The following TXNRD3 variants were observed in gnomAD, a reference collection of about 807,000 sequenced individuals.
TXNRD3 encodes the protein TXNRD3 neighbor gene protein.
A neutral mutation model predicts 78.2 loss-of-function variants in TXNRD3; 68 were observed. That is an observed-to-expected ratio of 0.87 (90% confidence interval 0.72 to 1.06). TXNRD3 has a LOEUF of 1.06. TXNRD3 is among the 50% of genes least tolerant of loss of function. The pLI, the probability that TXNRD3 is intolerant of heterozygous loss-of-function variation, is 0.00. For missense variants in TXNRD3, 751 were observed against 809.5 expected, an observed-to-expected ratio of 0.93 and a Z score of 0.88; for synonymous variants, 296 against 300.1, an observed-to-expected ratio of 0.99 and a Z score of 0.14.
At chr3:126,625,199 T>A (rs1415748195) in intron 10 of TXNRD3, 1 of 151,680 alleles carries the variant, frequency 6.6e-6, no homozygotes, top group South Asian at 2.1e-4. Flanking sequence ...TACATGTGCA[T>A]AATGTGCAGG....
intron 13 of TXNRD3, among the ~76,000 whole-genome samples, chr3:126,614,964 G>A (rs909527367): frequency 2.0e-5 from 3 of 152,086 alleles, no homozygotes; most frequent in African/African-American, 7.2e-5. Flanking sequence ...GTGTGTAGAG[G>A]GCGTCCTTTT....
rs1303486600 is a variant in TXNRD3, at chr3:126,621,743, T to C, written c.1523A>G (p.Lys508Arg). ...TCTCAAAAACAGTAAGAAACTTACC[T>C]TTTCTAAAGAGGCCCCAAAAAGTCT... The change falls in exon 12 of 16, where the codon AAG becomes AGG. Residue 508 changes from lysine to arginine, a missense_variant and splice_region_variant. Lys to Arg is a conservative substitution (Grantham distance 26, BLOSUM62 2). Coordinates refer to ENST00000524230, the MANE Select transcript of TXNRD3 (RefSeq NM_052883.3). The C allele has an allele frequency of 6.7e-7, 1 of 1,500,598 alleles. No individual in the cohort carries two copies. 93.0% of individuals were successfully genotyped at this position (1,500,598 alleles called of 1,614,324 possible).
intron 1 of TXNRD3, among the ~76,000 whole-genome samples, chr3:126,648,415 G>C (rs1933292094): frequency 6.6e-6 from 1 of 151,992 alleles, no homozygotes; most frequent in Admixed American, 6.6e-5. Context: ...TGAATAACCA[G>C]AACAATCTTG....
At chr3:126,627,367 G>A (rs1369234337) in intron 10 of TXNRD3, among the ~76,000 whole-genome samples, 1 of 152,172 alleles carries the variant, frequency 6.6e-6, no homozygotes, top group Non-Finnish European at 1.5e-5. Flanking sequence ...TAAGTCTGTA[G>A]TGACAGAATC....
chr3:126,653,719 CT>C (rs1933442196), intron 1 of TXNRD3, among the ~76,000 whole-genome samples: 1 of 152,312 alleles, frequency 6.6e-6, no homozygotes, highest in Non-Finnish European at 1.5e-5. Flanking sequence ...AGAGTTAAGT[CT>C]TTTATAAATG....
intron 1 of TXNRD3, among the ~76,000 whole-genome samples, chr3:126,650,976 A>T (rs756402428): frequency 6.6e-6 from 1 of 152,170 alleles, no homozygotes; most frequent in Non-Finnish European, 1.5e-5. Context: ...CTATGAGCGT[A>T]TGGGAGGCAA....
chr3:126,636,874 T>G (rs2107621783), intron 6 of TXNRD3, among the ~76,000 whole-genome samples: 1 of 152,160 alleles, frequency 6.6e-6, no homozygotes, highest in Non-Finnish European at 1.5e-5. Flanking sequence ...GCTTCAAATG[T>G]GGACCAACAC....
At chr3:126,637,636 T>C (rs1932939516) in intron 6 of TXNRD3, among the ~76,000 whole-genome samples, 1 of 152,156 alleles carries the variant, frequency 6.6e-6, no homozygotes, top group African/African-American at 2.4e-5. Flanking sequence ...TAGGTATTTG[T>C]CTTAAACATA....
Position 126,630,700 on chromosome 3 carries a change from A to G in TXNRD3, c.1197+12T>C, listed in dbSNP as rs776618417. Reference sequence around the variant, plus strand: ...TTAGAGAAAAAAAATTGCAAATGCCATGCAGCCTTACCATCACAGGTATGA... The same window carrying G: ...TTAGAGAAAAAAAATTGCAAATGCCGTGCAGCCTTACCATCACAGGTATGA... On this transcript the variant is annotated intron_variant, in intron 9 of 15. Transcript: ENST00000524230. 1.6e-5 allele frequency: 24 copies of G among 1,533,670 alleles called. No individual in the cohort carries two copies. Among genetic ancestry groups the G allele is most frequent in the African/African-American group, 2.7e-5 (2 of 72,970 alleles).
Position 126,641,886 on chromosome 3 carries a change from C to G in TXNRD3, c.712+146G>C, listed in dbSNP as rs991709734. 5 of 1,042,816 alleles carry G rather than the reference C, an allele frequency of 4.8e-6. No individual in the cohort carries two copies. The African/African-American group carries it at 8.1e-5, about 17-fold the overall frequency. The allele number at this position is 1,042,816 out of a possible 1,614,324, so 64.6% of individuals were successfully genotyped here. A position where few individuals can be genotyped will look rare whatever the true frequency, so the allele number is the denominator to read the frequency against. ...AGAGCGGGGGGCCCTTTTGCATCCT[C>G]TGTGCCTGGCTGACACAGTAGCTTC... On this transcript the variant is annotated intron_variant, in intron 6 of 15. Transcript: ENST00000524230.
intron 1 of TXNRD3, among the ~76,000 whole-genome samples, chr3:126,654,264 A>AT (rs1246596643): frequency 6.6e-6 from 1 of 152,194 alleles, no homozygotes; most frequent in African/African-American, 2.4e-5. Context: ...TCCACGTATC[A>AT]TTTTTCAACT....
chr3:126,633,228 T>C (rs988934483), intron 7 of TXNRD3, among the ~76,000 whole-genome samples: 14 of 152,192 alleles, frequency 9.2e-5, no homozygotes, highest in Admixed American at 2.6e-4. Flanking sequence ...TAAAAAAATT[T>C]AAATAAAATG....
At chr3:126,627,919 A>C (rs887643564) in intron 10 of TXNRD3, among the ~76,000 whole-genome samples, 29 of 152,224 alleles carry the variant, frequency 1.9e-4, no homozygotes, top group Non-Finnish European at 1.2e-4. Context: ...TCAATATGTA[A>C]AAGGAAAATT....
intron 7 of TXNRD3, among the ~76,000 whole-genome samples, chr3:126,632,252 A>G (rs1938735435): frequency 6.6e-6 from 1 of 152,206 alleles, no homozygotes. Flanking sequence ...ACTGGAGAGC[A>G]GGGTTGTGTC....
At chr3:126,620,411 G>A (rs765506166) in intron 12 of TXNRD3, among the ~76,000 whole-genome samples, 9 of 152,056 alleles carry the variant, frequency 5.9e-5, no homozygotes, top group Middle Eastern at 3.2e-3. Flanking sequence ...CTGCAGTTAC[G>A]GAGGTAAACA....
At chr3:126,610,192 A>G (rs1291791475) in intron 14 of TXNRD3, among the ~76,000 whole-genome samples, 1 of 152,220 alleles carries the variant, frequency 6.6e-6, no homozygotes, top group Non-Finnish European at 1.5e-5. Flanking sequence ...TTTCTGTTAT[A>G]CTGAGAATAA....
At chr3:126,619,428 G>C (rs911987838) in intron 12 of TXNRD3, among the ~76,000 whole-genome samples, 1 of 152,170 alleles carries the variant, frequency 6.6e-6, no homozygotes, top group African/African-American at 2.4e-5. Flanking sequence ...GAGCCTGGAA[G>C]ACATTGTATT....
At chr3:126,634,408 G>A (rs1292932751) in intron 6 of TXNRD3, among the ~76,000 whole-genome samples, 1 of 152,156 alleles carries the variant, frequency 6.6e-6, no homozygotes, top group Admixed American at 6.5e-5. Flanking sequence ...TACTTTACTT[G>A]GCTCTTGGAT....
chr3:126,623,016 T>C (rs1384401367), intron 10 of TXNRD3, among the ~76,000 whole-genome samples: 1 of 152,166 alleles, frequency 6.6e-6, no homozygotes, highest in East Asian at 1.9e-4. Context: ...GTCAACACCT[T>C]GATCTTAGAC....
Sources: allele counts gnomAD v4.1 joint callset (sites outside exome capture counted in the v4.1 genomes callset), GRCh38; gene constraint gnomAD v4.1.1; transcripts MANE v1.5; gene names NCBI Gene and HGNC (gene_info 2026-07-23, HGNC 2026-07-21).